The following ATP6V1H variants were observed in gnomAD, a reference collection of about 807,000 sequenced individuals.
ATP6V1H encodes ATPase H+ transporting V1 subunit H.
Under a neutral mutation model 71.7 loss-of-function variants are expected in ATP6V1H, and 39 were observed. That is an observed-to-expected ratio of 0.54 (90% CI 0.42 to 0.71). The LOEUF is 0.71. Ranked by LOEUF, ATP6V1H falls within the 30% of genes least tolerant of loss-of-function variation. The pLI is 0.00. For synonymous variants in ATP6V1H, 192 were observed against 199.3 expected (o/e 0.96, Z 0.31); for missense variants, 509 against 594.9 (o/e 0.86, Z 1.50).
At chr8:53,758,703 G>A (rs758259469) in intron 11 of ATP6V1H, among the ~76,000 whole-genome samples, 5 of 152,110 alleles carry the variant, frequency 3.3e-5, no homozygotes, top group African/African-American at 4.8e-5. Flanking sequence ...TCAGAATTTC[G>A]TTATTTAAGA....
At chr8:53,738,993 A>G (rs1209680020) in intron 13 of ATP6V1H, among the ~76,000 whole-genome samples, 1 of 152,220 alleles carries the variant, frequency 6.6e-6, no homozygotes, top group African/African-American at 2.4e-5. Context: ...ATATGACATT[A>G]AAGACATTTT....
chr8:53,838,870 A>G lies in ATP6V1H; in HGVS notation c.113+2708T>C, dbSNP rs138756454. ...TCTTATTATCTCAGTACAGAATGTG[A>G]TAGAAGATTCACTGATTCTTCATGT... On this transcript the variant is annotated intron_variant, in intron 2 of 13. Coordinates refer to ENST00000359530, the MANE Select transcript of ATP6V1H (RefSeq NM_015941.4). 7.8e-3 allele frequency among the ~76,000 whole-genome samples: 1,193 copies of G among 152,332 alleles called. 4 individuals carry two copies. Among genetic ancestry groups the G allele is most frequent in the South Asian group, 0.015 (73 of 4,830 alleles).
intron 4 of ATP6V1H, among the ~76,000 whole-genome samples, chr8:53,820,027 A>C (rs1018117917): frequency 6.6e-6 from 1 of 151,820 alleles, no homozygotes; most frequent in African/African-American, 2.4e-5. Flanking sequence ...TAAAAGAAAC[A>C]CCAAATCCCA....
At chr8:53,773,111 G>A (rs150879469) in intron 9 of ATP6V1H, among the ~76,000 whole-genome samples, 1 of 152,114 alleles carries the variant, frequency 6.6e-6, no homozygotes, top group Admixed American at 6.5e-5. Context: ...AGTACCCTGA[G>A]AGTAGTTTGC....
rs541396375 is a variant in ATP6V1H, at chr8:53,761,153, G to A, written c.1176-4497C>T. On this transcript the variant is annotated intron_variant, in intron 11 of 13. Transcript: ENST00000359530. The stretch of plus-strand genomic sequence containing the variant: ...AGATCGAGACCATCCTGGCTAACAC[G>A]GTGAAACCCTGTCTCTACTAAAAAA... Among the ~76,000 whole-genome samples the A allele has an allele frequency of 3.1e-3, 473 of 152,086 alleles. 3 individuals are homozygous for A. The highest frequency in any genetic ancestry group is 0.011 in the African/African-American group (444 of 41,482).
chr8:53,751,175 C>T (rs997958175), intron 12 of ATP6V1H, among the ~76,000 whole-genome samples: 4 of 152,168 alleles, frequency 2.6e-5, no homozygotes, highest in Admixed American at 2.6e-4. Flanking sequence ...CATATATGTA[C>T]TGTGTAAACA....
At chr8:53,759,359 C>T (rs1194270729) in intron 11 of ATP6V1H, among the ~76,000 whole-genome samples, 2 of 152,170 alleles carry the variant, frequency 1.3e-5, no homozygotes, top group Non-Finnish European at 2.9e-5. Context: ...TTCAAAAGAA[C>T]AGGTTCAAAA....
chr8:53,781,746 G>C (rs2130363769), intron 9 of ATP6V1H, among the ~76,000 whole-genome samples: 1 of 150,876 alleles, frequency 6.6e-6, no homozygotes, highest in Non-Finnish European at 1.5e-5. Flanking sequence ...TCCAGTTTCA[G>C]CTTTCTACAT....
chr8:53,755,738 A>T (rs67278824), intron 12 of ATP6V1H, among the ~76,000 whole-genome samples: 30 of 2,222 alleles, frequency 0.014, 2 homozygotes, highest in African/African-American at 0.069. Flanking sequence ...ATATATATAT[A>T]TATATATTTT....
intron 4 of ATP6V1H, among the ~76,000 whole-genome samples, chr8:53,826,951 C>CAAAAAA (rs112178508): frequency 1.6e-3 from 191 of 116,942 alleles, no homozygotes; most frequent in African/African-American, 5.6e-3. Context: ...AATTCTGTCT[C>CAAAAAA]AAAAAAAAAA....
chr8:53,757,865 T>C (rs1000078147), intron 11 of ATP6V1H, among the ~76,000 whole-genome samples: 6 of 152,240 alleles, frequency 3.9e-5, no homozygotes, highest in African/African-American at 1.4e-4. Context: ...GTTAAATGAC[T>C]TCAAGCCATA....
At position 53,740,884 on chromosome 8, in the gene ATP6V1H, GAGCCACAGAAATTTATA is replaced by G. The variant is rs1384018633; in HGVS notation, c.1391+2676_1391+2692del. On this transcript the variant is annotated intron_variant, in intron 13 of 13. Coordinates refer to ENST00000359530, the MANE Select transcript of ATP6V1H (RefSeq NM_015941.4). ...AGCAACTTTCATTCTCTGGCACAGG[GAGCCACAGAAATTTATA>G]AGTCACAATCAAATACAGAGATCAC... Among the ~76,000 whole-genome samples, 8 of 152,244 alleles carry G rather than the reference GAGCCACAGAAATTTATA, an allele frequency of 5.3e-5. No homozygotes were observed. In the East Asian group the frequency reaches 1.4e-3, roughly 26 times the overall value.
At chr8:53,824,491 T>C (rs1810766061) in intron 4 of ATP6V1H, among the ~76,000 whole-genome samples, 1 of 152,094 alleles carries the variant, frequency 6.6e-6, no homozygotes, top group African/African-American at 2.4e-5. Flanking sequence ...GAAAAGAGAA[T>C]TCAATATCAT....
At chr8:53,817,594 T>C in intron 4 of ATP6V1H, 64 bp from the exon 5 acceptor site, 5 of 996,882 alleles carry the variant, frequency 5.0e-6, no homozygotes, top group Non-Finnish European at 7.6e-6. Context: ...GTAACGACTG[T>C]GCACCACTTC....
intron 13 of ATP6V1H, among the ~76,000 whole-genome samples, chr8:53,734,681 A>G (rs922337720): frequency 1.3e-5 from 2 of 152,234 alleles, no homozygotes; most frequent in African/African-American, 4.8e-5. Flanking sequence ...GCAGTCATGC[A>G]CTGCAGGGAA....
At chr8:53,797,282 T>C (rs570272752) in intron 8 of ATP6V1H, among the ~76,000 whole-genome samples, 4 of 152,218 alleles carry the variant, frequency 2.6e-5, no homozygotes, top group African/African-American at 4.8e-5. Context: ...CTTCCTCCTG[T>C]TGGCTTCCTG....
intron 13 of ATP6V1H, among the ~76,000 whole-genome samples, chr8:53,736,890 G>C (rs1249581514): frequency 2.0e-5 from 3 of 152,202 alleles, no homozygotes; most frequent in Non-Finnish European, 4.4e-5. Context: ...CCACACCCCA[G>C]GCCTGGTCTG....
At chr8:53,793,196 T>C (rs1440444728) in intron 9 of ATP6V1H, among the ~76,000 whole-genome samples, 1 of 152,190 alleles carries the variant, frequency 6.6e-6, no homozygotes, top group East Asian at 1.9e-4. Flanking sequence ...GGAATGCAAA[T>C]TTAAAACAAT....
At chr8:53,746,399 G>T (rs1026260404) in intron 12 of ATP6V1H, among the ~76,000 whole-genome samples, 4 of 151,772 alleles carry the variant, frequency 2.6e-5, no homozygotes, top group Non-Finnish European at 4.4e-5. Context: ...CGAGTAGCTG[G>T]GATTACAGGT....
Sources: gnomAD v4.1 joint callset for allele counts (sites outside exome capture counted in the v4.1 genomes callset) on GRCh38, gnomAD v4.1.1 for gene constraint, MANE v1.5 for transcripts, NCBI Gene and HGNC (gene_info 2026-07-23, HGNC 2026-07-21) for gene names.